Variants in CALN1 observed in about 807,000 individuals in gnomAD.
CALN1 encodes calcium-binding protein 8.
A neutral mutation model predicts 30.6 loss-of-function variants in CALN1; 17 were observed. The ratio of observed to expected loss-of-function variants is 0.56; its 90% confidence interval spans 0.38 to 0.83. CALN1 has a LOEUF of 0.83. CALN1 is among the 40% of genes least tolerant of loss of function. The pLI is 0.00. For missense variants in CALN1, 291 were observed against 354.9 expected, an observed-to-expected ratio of 0.82 and a Z score of 1.45; for synonymous variants, 156 against 131.4, an observed-to-expected ratio of 1.19 and a Z score of -1.28.
intron 6 of CALN1, among the ~76,000 whole-genome samples, chr7:71,791,539 G>A (rs995788106): frequency 2.0e-5 from 3 of 152,100 alleles, no homozygotes; most frequent in Admixed American, 6.6e-5. Flanking sequence ...CACAGACACT[G>A]GGGCCCACTT....
chr7:71,849,322 C>T (rs1290312818), intron 5 of CALN1, among the ~76,000 whole-genome samples: 1 of 152,120 alleles, frequency 6.6e-6, no homozygotes, highest in African/African-American at 2.4e-5. Context: ...TATATGGACT[C>T]CCAGTCCATT....
At chr7:72,094,686 C>A (rs1806099457) in intron 4 of CALN1, among the ~76,000 whole-genome samples, 1 of 152,154 alleles carries the variant, frequency 6.6e-6, no homozygotes, top group Non-Finnish European at 1.5e-5. Flanking sequence ...CCTGGGCATA[C>A]TGTAGAAGAC....
chr7:72,355,462 G>A (rs1803169173), intron 2 of CALN1, among the ~76,000 whole-genome samples: 1 of 152,158 alleles, frequency 6.6e-6, no homozygotes, highest in Non-Finnish European at 1.5e-5. Flanking sequence ...GGAGACAGAG[G>A]TGGCAGTGAG....
intron 2 of CALN1, among the ~76,000 whole-genome samples, chr7:72,396,842 G>A (rs570756516): frequency 3.2e-4 from 48 of 152,278 alleles, no homozygotes; most frequent in Non-Finnish European, 5.4e-4. Flanking sequence ...GAGGTTGAAG[G>A]TTAGAAGTAT....
chr7:72,262,359 T>C (rs1361860093), intron 3 of CALN1, among the ~76,000 whole-genome samples: 1 of 152,178 alleles, frequency 6.6e-6, no homozygotes, highest in Non-Finnish European at 1.5e-5. Context: ...TTGTTTCTTT[T>C]TTCTTTTTAG....
chr7:71,809,209 T>C (rs1269662940), intron 6 of CALN1, among the ~76,000 whole-genome samples: 1 of 152,052 alleles, frequency 6.6e-6, no homozygotes, highest in Non-Finnish European at 1.5e-5. Context: ...ACAGGCCATC[T>C]CCTGTTCCCT....
intron 2 of CALN1, among the ~76,000 whole-genome samples, chr7:72,312,427 C>G (rs1800118402): frequency 1.3e-5 from 2 of 149,638 alleles, no homozygotes; most frequent in Admixed American, 1.3e-4. Flanking sequence ...TAAGTCACTT[C>G]CCTATAATAT....
chr7:72,146,267 A>G (rs183501778), intron 3 of CALN1, among the ~76,000 whole-genome samples: 35 of 152,370 alleles, frequency 2.3e-4, no homozygotes, highest in Admixed American at 6.5e-4. Flanking sequence ...AAGCAACTGC[A>G]GCAAAGTCCC....
At chr7:72,138,067 G>A (rs1809631876) in intron 3 of CALN1, among the ~76,000 whole-genome samples, 1 of 152,170 alleles carries the variant, frequency 6.6e-6, no homozygotes. Context: ...TTATATCCAT[G>A]TGGTGAAATA....
chr7:72,342,866 T>C (rs746817927), intron 2 of CALN1, among the ~76,000 whole-genome samples: 2 of 151,878 alleles, frequency 1.3e-5, no homozygotes, highest in East Asian at 3.9e-4. Context: ...AAAAAAAAAA[T>C]CATTCAAAAA....
At chr7:72,153,517 A>G (rs575266833) in intron 3 of CALN1, among the ~76,000 whole-genome samples, 1 of 116,776 alleles carries the variant, frequency 8.6e-6, no homozygotes, top group Admixed American at 8.9e-5. Context: ...TGTCTCTACA[A>G]AATTAAAAAA....
At chr7:72,314,981 C>CAAAA (rs530371351) in intron 2 of CALN1, among the ~76,000 whole-genome samples, 3,229 of 105,332 alleles carry the variant, frequency 0.031, 68 homozygotes, top group South Asian at 0.11. Context: ...CCCATCTCTA[C>CAAAA]AAAAAAAAAA....
chr7:72,157,585 A>G (rs900007192), intron 3 of CALN1, among the ~76,000 whole-genome samples: 2 of 152,184 alleles, frequency 1.3e-5, no homozygotes, highest in African/African-American at 4.8e-5. Context: ...GAAAAAAAAA[A>G]CAGGGTATTT....
chr7:72,235,337 T>C (rs1353729766), intron 3 of CALN1, among the ~76,000 whole-genome samples: 1 of 151,990 alleles, frequency 6.6e-6, no homozygotes, highest in African/African-American at 2.4e-5. Context: ...TTCAAGCAGA[T>C]CAATTAGAGT....
intron 4 of CALN1, among the ~76,000 whole-genome samples, chr7:72,101,965 G>T (rs1166017814): frequency 6.6e-6 from 1 of 152,138 alleles, no homozygotes; most frequent in Non-Finnish European, 1.5e-5. Flanking sequence ...GCTGGTTTGG[G>T]ATAAAACCTA....
the CALN1 span, among the ~76,000 whole-genome samples, chr7:72,502,005 A>C: frequency 1.5e-4 from 21 of 137,040 alleles, 1 homozygote; most frequent in Non-Finnish European, 3.1e-4. Context: ...ATATATATAC[A>C]CACATATATA....
chr7:71,980,528 A>T (rs1401175125), intron 5 of CALN1, among the ~76,000 whole-genome samples: 1 of 152,130 alleles, frequency 6.6e-6, no homozygotes, highest in Non-Finnish European at 1.5e-5. Flanking sequence ...ACAATGGCAT[A>T]GTGTTCCTCA....
At position 71,940,087 on chromosome 7, in the gene CALN1, C is replaced by T. The variant is rs1457885594; in HGVS notation, c.501+83570G>A. Among the ~76,000 whole-genome samples, 4 of 144,532 alleles carry T rather than the reference C, an allele frequency of 2.8e-5. No individual in the cohort carries two copies. The East Asian group carries it at 1.0e-3, about 37-fold the overall frequency. 94.8% of individuals were successfully genotyped at this position (144,532 alleles called of 152,430 possible). On this transcript the variant is annotated intron_variant, in intron 5 of 6. Transcript: ENST00000395275. ...TTTCCCTCTCTTCAAAGGTATATCC[C>T]TTCAAGGGTCTCAACTGGAAACCTG...
chr7:71,830,068 AGTTTTGCTCTT>A (rs1789174736), intron 5 of CALN1, among the ~76,000 whole-genome samples: 1 of 117,020 alleles, frequency 8.5e-6, no homozygotes, highest in Admixed American at 8.7e-5. Flanking sequence ...TGGAGATGGG[AGTTTTGCTCTT>A]GTTGCCCAGG....
Sources: gnomAD v4.1 joint callset for allele counts (sites outside exome capture counted in the v4.1 genomes callset) on GRCh38, gnomAD v4.1.1 for gene constraint, MANE v1.5 for transcripts, NCBI Gene and HGNC (gene_info 2026-07-23, HGNC 2026-07-21) for gene names.